Variants in EMCN observed in about 807,000 individuals in gnomAD.
The protein encoded by EMCN is endomucin, also known as MUC-14.
In EMCN, 37 loss-of-function variants were observed where a neutral mutation model predicts 38.4. The ratio of observed to expected loss-of-function variants is 0.96; its 90% confidence interval spans 0.74 to 1.27. The LOEUF (loss-of-function observed/expected upper bound fraction) is 1.27. EMCN is among the 50% of genes most tolerant of loss of function. EMCN has a pLI of 0.00. For synonymous variants in EMCN, 95 were observed against 100.8 expected, an observed-to-expected ratio of 0.94 and a Z score of 0.35; for missense variants, 318 against 302.8, an observed-to-expected ratio of 1.05 and a Z score of -0.37.
At chr4:100,454,710 A>C (rs148843018) in intron 4 of EMCN, among the ~76,000 whole-genome samples, 1 of 152,188 alleles carries the variant, frequency 6.6e-6, no homozygotes, top group African/African-American at 2.4e-5. Flanking sequence ...ACTGTCACCA[A>C]TGATGTCAAA....
At chr4:100,429,409 A>C (rs1727138097) in intron 5 of EMCN, among the ~76,000 whole-genome samples, 1 of 152,294 alleles carries the variant, frequency 6.6e-6, no homozygotes, top group Non-Finnish European at 1.5e-5. Flanking sequence ...ACGTATTTTC[A>C]CACACAATGG....
intron 3 of EMCN, among the ~76,000 whole-genome samples, chr4:100,469,438 A>G (rs1328026208): frequency 6.6e-6 from 1 of 152,144 alleles, no homozygotes; most frequent in Non-Finnish European, 1.5e-5. Context: ...GGACTACATC[A>G]AACTAAAAAC....
rs576181492 is a variant in EMCN, at chr4:100,452,248, T to C, written c.377-4677A>G. ...AAATAAACTCCATATTAAACTAAGATAAATTATGCAAAAGGAAATACATTT... is the reference window on the plus strand; with the variant it reads ...AAATAAACTCCATATTAAACTAAGACAAATTATGCAAAAGGAAATACATTT... On this transcript the variant is annotated intron_variant, in intron 4 of 11. Coordinates refer to ENST00000296420, the MANE Select transcript of EMCN (RefSeq NM_016242.4). 1.7e-3 allele frequency among the ~76,000 whole-genome samples: 261 copies of C among 152,152 alleles called. 1 individual carries two copies. Among genetic ancestry groups the C allele is most frequent in the African/African-American group, 6.0e-3 (249 of 41,562 alleles).
At chr4:100,471,914 T>A (rs1728490493) in intron 3 of EMCN, among the ~76,000 whole-genome samples, 1 of 151,878 alleles carries the variant, frequency 6.6e-6, no homozygotes, top group Non-Finnish European at 1.5e-5. Flanking sequence ...GAACTAGTAA[T>A]AAAAGAGAAC....
intron 7 of EMCN, among the ~76,000 whole-genome samples, chr4:100,422,534 G>A (rs1726916734): frequency 2.0e-5 from 3 of 151,856 alleles, no homozygotes; most frequent in South Asian, 2.1e-4. Context: ...CTTAAAGGCC[G>A]TTTTTAATGT....
chr4:100,399,872 C>T (rs1235281674), intron 11 of EMCN, among the ~76,000 whole-genome samples: 1 of 151,930 alleles, frequency 6.6e-6, no homozygotes, highest in African/African-American at 2.4e-5. Context: ...TTATTTTACC[C>T]ATGTAATAAG....
intron 1 of EMCN, among the ~76,000 whole-genome samples, chr4:100,509,589 C>A (rs78382797): frequency 0.018 from 2,765 of 152,138 alleles, 75 homozygotes; most frequent in African/African-American, 0.063. Flanking sequence ...TTGCTGAACA[C>A]CCTAGGAGGG....
At chr4:100,493,369 A>G (rs1049749980) in intron 1 of EMCN, among the ~76,000 whole-genome samples, 15 of 152,362 alleles carry the variant, frequency 9.8e-5, no homozygotes, top group Middle Eastern at 3.4e-3. Flanking sequence ...AAAAGATTGC[A>G]GAATAGAAAA....
intron 3 of EMCN, among the ~76,000 whole-genome samples, chr4:100,466,065 A>G (rs1417339063): frequency 6.6e-6 from 1 of 150,558 alleles, no homozygotes. Context: ...AATGGAATAC[A>G]CTTTTAATTA....
chr4:100,492,320 A>G (rs1432649445), intron 1 of EMCN, among the ~76,000 whole-genome samples: 1 of 152,180 alleles, frequency 6.6e-6, no homozygotes, highest in Non-Finnish European at 1.5e-5. Flanking sequence ...AGAATCAGTG[A>G]GCTTAAAGAT....
At chr4:100,466,394 C>T (rs1433471890) in intron 3 of EMCN, among the ~76,000 whole-genome samples, 3 of 152,174 alleles carry the variant, frequency 2.0e-5, no homozygotes, top group Non-Finnish European at 4.4e-5. Context: ...GAAGTGCAGT[C>T]AACTTCCATT....
intron 11 of EMCN, among the ~76,000 whole-genome samples, chr4:100,402,853 T>C (rs2110204324): frequency 6.6e-6 from 1 of 152,226 alleles, no homozygotes; most frequent in Admixed American, 6.5e-5. Context: ...GAAGACTTGC[T>C]TTTTCCAAGT....
At chr4:100,509,020 C>G (rs957441013) in intron 1 of EMCN, among the ~76,000 whole-genome samples, 1 of 152,098 alleles carries the variant, frequency 6.6e-6, no homozygotes, top group African/African-American at 2.4e-5. Flanking sequence ...CTAGGAATGC[C>G]TTGGGTATTT....
chr4:100,474,217 C>T (rs1174368935), intron 3 of EMCN: 3 of 152,134 alleles, frequency 2.0e-5, no homozygotes, highest in East Asian at 1.9e-4. Flanking sequence ...TTTGAGCGGA[C>T]ATTTTTCCAA....
intron 7 of EMCN, among the ~76,000 whole-genome samples, chr4:100,422,518 A>G (rs939562033): frequency 2.0e-5 from 3 of 152,044 alleles, no homozygotes; most frequent in African/African-American, 7.2e-5. Flanking sequence ...TTAAAATGGA[A>G]CATTTCTTAA....
At chr4:100,510,713 T>C (rs925693321) in intron 1 of EMCN, among the ~76,000 whole-genome samples, 3 of 152,148 alleles carry the variant, frequency 2.0e-5, no homozygotes, top group Admixed American at 6.5e-5. Flanking sequence ...AAAAGTTGAG[T>C]AACTTGTCCA....
At chr4:100,402,777 T>G (rs1320019714) in intron 11 of EMCN, among the ~76,000 whole-genome samples, 1 of 152,188 alleles carries the variant, frequency 6.6e-6, no homozygotes, top group Non-Finnish European at 1.5e-5. Context: ...GGTTCGAAGA[T>G]CAACACTGTT....
At chr4:100,415,736 T>C (rs535847710) in intron 10 of EMCN, among the ~76,000 whole-genome samples, 162 bp downstream of exon 10, 1 of 152,268 alleles carries the variant, frequency 6.6e-6, no homozygotes, top group East Asian at 1.9e-4. Context: ...ATTGGTAAGA[T>C]TTTTCTTTCC....
At chr4:100,462,802 A>T (rs1728215487) in intron 4 of EMCN, among the ~76,000 whole-genome samples, 1 of 152,112 alleles carries the variant, frequency 6.6e-6, no homozygotes, top group Admixed American at 6.6e-5. Context: ...AGTAGTTTAC[A>T]ATTATGGTGT....
Sources: allele counts gnomAD v4.1 joint callset (sites outside exome capture counted in the v4.1 genomes callset), GRCh38; gene constraint gnomAD v4.1.1; transcripts MANE v1.5; gene names NCBI Gene and HGNC (gene_info 2026-07-23, HGNC 2026-07-21).